Variants in ZEB2 observed in about 807,000 individuals in gnomAD.
ZEB2 encodes zinc finger E-box binding homeobox 2.
In ZEB2, 6 loss-of-function variants were observed where a neutral mutation model predicts 99.9. The observed-to-expected ratio is 0.06, with a 90% confidence interval of 0.03 to 0.12. The LOEUF (loss-of-function observed/expected upper bound fraction) is 0.12. Ranked by LOEUF, ZEB2 falls within the 10% of genes least tolerant of loss-of-function variation. The pLI is 1.00. For synonymous variants in ZEB2, 517 were observed against 542.5 expected (o/e 0.95, Z 0.65); for missense variants, 969 against 1,502.8 (o/e 0.64, Z 5.87).
At chr2:144,393,429 A>G (rs796838715) in intron 9 of ZEB2, among the ~76,000 whole-genome samples, 13 of 152,364 alleles carry the variant, frequency 8.5e-5, no homozygotes, top group African/African-American at 3.1e-4. Context: ...CCAAGGACAC[A>G]TTCATAATCA....
At chr2:144,480,579 G>A (rs1327968940) in intron 2 of ZEB2, among the ~76,000 whole-genome samples, 3 of 152,104 alleles carry the variant, frequency 2.0e-5, no homozygotes, top group Non-Finnish European at 4.4e-5. Flanking sequence ...GCCCTACTCT[G>A]TTTGCAATTC....
At chr2:144,428,554 A>C (rs181636066) in intron 3 of ZEB2, 2 of 152,326 alleles carry the variant, frequency 1.3e-5, no homozygotes, top group East Asian at 3.9e-4. Context: ...AGAAACCTTC[A>C]CCGAAAGCAA....
intron 2 of ZEB2, chr2:144,496,996 A>T (rs1263939081): frequency 1.3e-5 from 2 of 152,232 alleles, no homozygotes; most frequent in Non-Finnish European, 2.9e-5. Context: ...TGCAGACTCA[A>T]ATCAAGCCCA....
intron 2 of ZEB2, chr2:144,495,532 C>T (rs563439024): frequency 6.6e-6 from 1 of 152,316 alleles, no homozygotes; most frequent in East Asian, 1.9e-4. Context: ...CCTACCAGTA[C>T]AAAATGCAGA....
At chr2:144,419,572 T>C (rs1703591753) in intron 4 of ZEB2, among the ~76,000 whole-genome samples, 1 of 152,240 alleles carries the variant, frequency 6.6e-6, no homozygotes. Flanking sequence ...AGCTCCTTGT[T>C]ACTACTAGCA....
chr2:144,384,740 A>G lies in ZEB2; in HGVS notation c.*4711T>C, dbSNP rs986940768. The stretch of plus-strand genomic sequence containing the variant: ...CAGCGAAGGTAACAAAGATTTAAAC[A>G]GCCAACATCACAAATGTCTCAAGTT... On this transcript the variant is annotated 3_prime_UTR_variant, in exon 10 of 10. Transcript: ENST00000627532. 6.6e-6 allele frequency: 1 copy of G among 152,148 alleles called. No individual in the cohort carries two copies. Among genetic ancestry groups the G allele is most frequent in the Non-Finnish European group, 1.5e-5 (1 of 68,004 alleles). 9.4% of individuals were successfully genotyped at this position (152,148 alleles called of 1,614,324 possible).
chr2:144,483,964 C>T (rs571121577), intron 2 of ZEB2, among the ~76,000 whole-genome samples: 2 of 152,184 alleles, frequency 1.3e-5, no homozygotes, highest in African/African-American at 2.4e-5. Flanking sequence ...TTCTTATGGT[C>T]AAGCAAATCA....
At position 144,411,057 on chromosome 2, in the gene ZEB2, CTATATATATATATATA is replaced by C. The variant is rs4008310; in HGVS notation, c.404-6049_404-6034del. 5.1e-3 allele frequency among the ~76,000 whole-genome samples: 210 copies of C among 40,784 alleles called. 2 individuals are homozygous for C. The highest frequency in any genetic ancestry group is 0.015 in the African/African-American group (173 of 11,608). 26.8% of individuals were successfully genotyped at this position (40,784 alleles called of 152,430 possible). ...GTGATTCTGCAATATACAGACATGT[CTATATATATATATATA>C]TATATATATATATATATATATATAT... is the stretch of plus-strand genomic sequence containing the variant. On this transcript the variant is annotated intron_variant, in intron 4 of 9. Transcript: ENST00000627532.
intron 2 of ZEB2, among the ~76,000 whole-genome samples, chr2:144,505,476 A>C (rs1411609139): frequency 6.6e-6 from 1 of 152,216 alleles, no homozygotes; most frequent in Non-Finnish European, 1.5e-5. Flanking sequence ...ACTGATTCAT[A>C]AGATTTGGGG....
rs549677850 is a variant in ZEB2, at chr2:144,449,439, C to T, written c.74-19413G>A. ...ACAGCTCCCCCTTCCACTCCAGTAA[C>T]ACCCCTCATCCCTAAAAAACAACAA... On this transcript the variant is annotated intron_variant, in intron 2 of 9. Transcript: ENST00000627532. Among the ~76,000 whole-genome samples, 58 of 152,318 alleles carry T rather than the reference C, an allele frequency of 3.8e-4. 1 individual carries two copies. Among genetic ancestry groups the T allele is most frequent in the Admixed American group, 3.8e-3 (58 of 15,304 alleles).
At position 144,399,337 on chromosome 2, in the gene ZEB2, T is replaced by C. The variant is rs1448603705; in HGVS notation, c.1850A>G (p.His617Arg). 1.2e-6 allele frequency: 2 copies of C among 1,614,174 alleles called. No homozygotes were observed. Among genetic ancestry groups the C allele is most frequent in the Admixed American group, 1.7e-5 (1 of 60,026 alleles). ...NEEIKAVLQP[H>R]ENIVPNKAGV... ...GGCTTTGTTGGGGACTATGTTTTCATGAGGCTGCAGGACCGCCTTGATCTC... is the reference window on the plus strand; with the variant it reads ...GGCTTTGTTGGGGACTATGTTTTCACGAGGCTGCAGGACCGCCTTGATCTC... The change falls in exon 8 of 10, where the codon CAT becomes CGT. Residue 617 changes from histidine (H) to arginine (R), a missense_variant. Around this residue, in one of 8 missense-constraint regions of ZEB2, gnomAD observed 346 missense variants for 460.0 expected, o/e 0.75. Coordinates refer to ENST00000627532, the MANE Select transcript of ZEB2 (RefSeq NM_014795.4). The surrounding 1 kb of genome is among the most constrained non-coding windows in gnomAD (Gnocchi z 5.6).
At chr2:144,425,435 A>C (rs1242659096) in intron 3 of ZEB2, among the ~76,000 whole-genome samples, 1 of 152,194 alleles carries the variant, frequency 6.6e-6, no homozygotes, top group African/African-American at 2.4e-5. Flanking sequence ...TCACTGCTTG[A>C]TACAAACTTC....
In ZEB2 at chr2:144,429,764, C is replaced by G; in HGVS notation, c.331+5G>C. On this transcript the variant is annotated splice_donor_5th_base_variant and intron_variant, in intron 3 of 9. Coordinates refer to ENST00000627532, the MANE Select transcript of ZEB2 (RefSeq NM_014795.4). ...GGAAGAGGCCAAGTGATTTTAGACA[C>G]TTACCTGGACCATCTACAGAGGCTT... 1 of 1,613,786 alleles carries G rather than the reference C, an allele frequency of 6.2e-7. No homozygotes were observed. The highest frequency in any genetic ancestry group is 8.5e-7 in the Non-Finnish European group (1 of 1,179,770).
rs1703121596 is a variant in ZEB2, at chr2:144,389,293, C to G, written c.*158G>C. ...TTTTAACAATACCCAGCTCCAACTC[C>G]GTCTACATCTGTCTTGGCTGAACCG... On this transcript the variant is annotated 3_prime_UTR_variant, in exon 10 of 10. Transcript: ENST00000627532. This position sits in a 1 kb window ranked among gnomAD's most constrained non-coding sequence, Gnocchi z 6.8. 3 of 850,540 alleles carry G rather than the reference C, an allele frequency of 3.5e-6. No homozygotes were observed. In the Admixed American group the frequency reaches 6.8e-5, roughly 19 times the overall value. The allele number at this position is 850,540 out of a possible 1,614,324, so 52.7% of individuals were successfully genotyped here.
chr2:144,472,707 A>G (rs979970132), intron 2 of ZEB2, among the ~76,000 whole-genome samples: 1 of 152,146 alleles, frequency 6.6e-6, no homozygotes, highest in African/African-American at 2.4e-5. Context: ...GGAAGCACGG[A>G]TGGACTACCG....
At chr2:144,410,020 T>C (rs1052910580) in intron 4 of ZEB2, among the ~76,000 whole-genome samples, 4 of 151,530 alleles carry the variant, frequency 2.6e-5, no homozygotes. Flanking sequence ...CACACTATTC[T>C]CCTGCCTCGG....
intron 2 of ZEB2, among the ~76,000 whole-genome samples, chr2:144,432,499 C>T (rs1703787108): frequency 6.6e-6 from 1 of 152,080 alleles, no homozygotes; most frequent in Non-Finnish European, 1.5e-5. Flanking sequence ...TCATTCTGCT[C>T]TTTCTGGTTG....
intron 3 of ZEB2, chr2:144,426,453 T>C (rs1298897261): frequency 3.3e-5 from 5 of 152,072 alleles, no homozygotes. Context: ...GAATCATAAG[T>C]TTTCCATCTG....
At chr2:144,490,646 A>T (rs1485632826) in intron 2 of ZEB2, among the ~76,000 whole-genome samples, 5 of 152,224 alleles carry the variant, frequency 3.3e-5, no homozygotes, top group African/African-American at 1.2e-4. Flanking sequence ...CCTGCCTAAA[A>T]AGAGCCTCGA....
Sources: allele counts gnomAD v4.1 joint callset (sites outside exome capture counted in the v4.1 genomes callset), GRCh38; gene constraint gnomAD v4.1.1; regional missense constraint gnomAD v4.1.1; non-coding constraint Gnocchi (gnomAD v3.1); transcripts MANE v1.5; gene names NCBI Gene and HGNC (gene_info 2026-07-23, HGNC 2026-07-21).